Variants in VDAC3 observed in about 807,000 individuals in gnomAD.
The protein encoded by VDAC3 is voltage dependent anion channel 3.
In VDAC3, 7 loss-of-function variants were observed where a neutral mutation model predicts 33.9. The observed-to-expected ratio is 0.21, with a 90% CI of 0.12 to 0.39. The LOEUF (loss-of-function observed/expected upper bound fraction) is 0.39, where lower values mean the gene tolerates loss of function less well. VDAC3 is among the 10% of genes least tolerant of loss of function. The probability of loss-of-function intolerance (pLI) is 1.00; values close to 1 mark genes in which losing one functional copy is unlikely to be tolerated. For missense variants in VDAC3, 261 were observed against 334.5 expected, an observed-to-expected ratio of 0.78 and a Z score of 1.71; for synonymous variants, 100 against 122.4, an observed-to-expected ratio of 0.82 and a Z score of 1.21.
intron 5 of VDAC3, among the ~76,000 whole-genome samples, 195 bp downstream of exon 5, chr8:42,399,059 T>C (rs1379922151): frequency 6.6e-6 from 1 of 152,070 alleles, no homozygotes; most frequent in African/African-American, 2.4e-5. Context: ...AATTACTATA[T>C]TACATCTTTG....
chr8:42,404,981 T>A (rs965473073), intron 9 of VDAC3, 57 bp downstream of exon 9: 1 of 1,516,566 alleles, frequency 6.6e-7, no homozygotes, highest in Non-Finnish European at 9.1e-7. Flanking sequence ...GAGAAAACAA[T>A]GAAAATAACC....
chr8:42,393,635 G>T (rs1417157085), intron 1 of VDAC3, among the ~76,000 whole-genome samples: 4 of 152,182 alleles, frequency 2.6e-5, no homozygotes, highest in Non-Finnish European at 5.9e-5. Context: ...GCTGCAGGTA[G>T]AATCTGTCAT....
At chr8:42,392,760 A>G (rs957778153) in intron 1 of VDAC3, among the ~76,000 whole-genome samples, 6 of 152,254 alleles carry the variant, frequency 3.9e-5, no homozygotes, top group African/African-American at 1.4e-4. Flanking sequence ...TTTTCTCGGC[A>G]GTATGAAAAA....
chr8:42,400,151 C>T (rs1325837491), intron 6 of VDAC3, among the ~76,000 whole-genome samples: 2 of 152,014 alleles, frequency 1.3e-5, no homozygotes, highest in African/African-American at 4.8e-5. Flanking sequence ...TCCTGGCTAA[C>T]ACGGTGAAAC....
chr8:42,404,834 G>GT, intron 8 of VDAC3, 33 bp from the exon 9 acceptor site: 1 of 1,588,638 alleles, frequency 6.3e-7, no homozygotes, highest in East Asian at 2.2e-5. Flanking sequence ...GTAATTCACT[G>GT]TTTTCTGTTA....
At chr8:42,392,221 A>G (rs1225975818) in intron 1 of VDAC3, among the ~76,000 whole-genome samples, 1 of 152,214 alleles carries the variant, frequency 6.6e-6, no homozygotes, top group Non-Finnish European at 1.5e-5. Flanking sequence ...GATCGGTTCT[A>G]GGGAAGTTGG....
At chr8:42,396,869 C>CTATATGCATGT (rs780393071) in intron 4 of VDAC3, 1 of 558,648 alleles carries the variant, frequency 1.8e-6, no homozygotes, top group African/African-American at 1.9e-5. Context: ...TAATGTAGAG[C>CTATATGCATGT]TATATGCATG....
At position 42,394,260 on chromosome 8, in the gene VDAC3, G is replaced by A; in HGVS notation, c.49G>A (p.Val17Ile). The A allele has an allele frequency of 1.2e-6, 2 of 1,613,630 alleles. No homozygotes were observed. Among genetic ancestry groups the A allele is most frequent in the African/African-American group, 1.3e-5 (1 of 75,022 alleles). ...YCDLGKAAKD[V>I]FNKGYGFGMV... Reference sequence around the variant, plus strand: ...TGACCTAGGAAAGGCTGCTAAGGATGTCTTCAACAAAGGATATGGTAAGTA... The same window carrying A: ...TGACCTAGGAAAGGCTGCTAAGGATATCTTCAACAAAGGATATGGTAAGTA... Residue 17 changes from valine to isoleucine, a missense_variant, in exon 3 of 10, where the codon GTC becomes ATC. Coordinates refer to ENST00000022615, the MANE Select transcript of VDAC3 (RefSeq NM_005662.7).
intron 7 of VDAC3, among the ~76,000 whole-genome samples, chr8:42,402,853 A>C (rs1802438260): frequency 6.6e-6 from 1 of 152,156 alleles, no homozygotes; most frequent in African/African-American, 2.4e-5. Context: ...AGTGCACCCT[A>C]GGTATCGTAG....
intron 4 of VDAC3, among the ~76,000 whole-genome samples, 155 bp from the exon 5 acceptor site, chr8:42,398,557 A>C (rs1361958499): frequency 6.6e-6 from 1 of 152,152 alleles, no homozygotes; most frequent in Non-Finnish European, 1.5e-5. Flanking sequence ...GGGACTGGAA[A>C]AGCAAGGGGA....
chr8:42,402,219 A>G (rs1282523881), intron 7 of VDAC3: 3 of 607,558 alleles, frequency 4.9e-6, no homozygotes, highest in Non-Finnish European at 8.6e-6. Flanking sequence ...CTGGCCCCTC[A>G]GCCTGCACCC....
chr8:42,401,139 C>A (rs1802408657), intron 6 of VDAC3, among the ~76,000 whole-genome samples: 2 of 152,166 alleles, frequency 1.3e-5, no homozygotes, highest in Admixed American at 1.3e-4. Context: ...GATTTGGCTT[C>A]TTGTACGTCT....
In VDAC3 at chr8:42,403,123, G is replaced by A. The variant is rs1802446432; in HGVS notation, c.552-188G>A. 5.1e-5 allele frequency: 31 copies of A among 611,038 alleles called. 1 individual carries two copies. The South Asian group carries it at 6.1e-4, about 12-fold the overall frequency. 37.9% of individuals were successfully genotyped at this position (611,038 alleles called of 1,614,324 possible). On this transcript the variant is annotated intron_variant, in intron 7 of 9. Coordinates refer to ENST00000022615, the MANE Select transcript of VDAC3 (RefSeq NM_005662.7). ...GATCAAGTGTTAACGTTTTAATTAA[G>A]CAGTCATTACTGGCATAGCTGGATT...
intron 4 of VDAC3, among the ~76,000 whole-genome samples, chr8:42,395,520 C>T (rs550118453): frequency 3.3e-5 from 5 of 152,012 alleles, no homozygotes; most frequent in Non-Finnish European, 7.4e-5. Flanking sequence ...CATGATTAGT[C>T]GAAACAAAAT....
intron 9 of VDAC3, among the ~76,000 whole-genome samples, 185 bp from the exon 10 acceptor site, chr8:42,405,186 C>T (rs762535386): frequency 3.3e-5 from 5 of 152,192 alleles, no homozygotes; most frequent in Non-Finnish European, 7.3e-5. Flanking sequence ...AGAAAGTTTG[C>T]CATGATCATG....
At chr8:42,395,495 T>C (rs1299660272) in intron 4 of VDAC3, among the ~76,000 whole-genome samples, 1 of 152,214 alleles carries the variant, frequency 6.6e-6, no homozygotes, top group Non-Finnish European at 1.5e-5. Context: ...ACAAATTAAC[T>C]TTACTCTGCC....
At chr8:42,395,164 A>G (rs1243919787) in intron 4 of VDAC3, 31 bp downstream of exon 4, 3 of 1,612,762 alleles carry the variant, frequency 1.9e-6, no homozygotes, top group Non-Finnish European at 2.5e-6. Context: ...TAATGAATGT[A>G]ACATAATTAA....
At chr8:42,401,436 C>G (rs961876534) in intron 6 of VDAC3, among the ~76,000 whole-genome samples, 9 of 152,194 alleles carry the variant, frequency 5.9e-5, no homozygotes, top group Non-Finnish European at 8.8e-5. Context: ...GCCTCGTCAT[C>G]CGCCCACCTT....
chr8:42,399,701 A>T lies in VDAC3; in HGVS notation c.321A>T (p.Thr107=). The T allele has an allele frequency of 6.2e-7, 1 of 1,611,840 alleles. No individual in the cohort carries two copies. Among genetic ancestry groups the T allele is most frequent in the Non-Finnish European group, 8.5e-7 (1 of 1,178,670 alleles). The change falls in exon 6 of 10, where the codon ACA becomes ACT. Residue 107 remains threonine (T), a splice_region_variant and synonymous_variant. Transcript: ENST00000022615. ...TTGATACCATATTTGTACCGAACAC[A>T]GGGTAATTATTCAAATCCCATTTCC... The part of the protein sequence containing the change: ...LTLDTIFVPN[T]GKKSGKLKAS...
Sources: allele counts gnomAD v4.1 joint callset (sites outside exome capture counted in the v4.1 genomes callset), GRCh38; gene constraint gnomAD v4.1.1; transcripts MANE v1.5; gene names NCBI Gene and HGNC (gene_info 2026-07-23, HGNC 2026-07-21).